DGKG: variants seen among roughly 807,000 people sequenced by gnomAD.
The protein encoded by DGKG is diacylglycerol kinase gamma, also known as DAG kinase gamma.
In DGKG, 78 loss-of-function variants were observed where a neutral mutation model predicts 105.3. The observed-to-expected ratio is 0.74, with a 90% confidence interval of 0.62 to 0.89. The LOEUF (loss-of-function observed/expected upper bound fraction) is 0.89. Ranked by LOEUF, DGKG falls within the 40% of genes least tolerant of loss-of-function variation. The pLI is 0.00. For missense variants in DGKG, 958 were observed against 1,020.1 expected (o/e 0.94, Z 0.83); for synonymous variants, 346 against 367.1 (o/e 0.94, Z 0.66).
intron 23 of DGKG, 34 bp downstream of exon 23, chr3:186,164,864 G>A (rs2108480132): frequency 6.3e-7 from 1 of 1,592,396 alleles, no homozygotes; most frequent in East Asian, 2.2e-5. Context: ...CAGGCGGGGA[G>A]ATGCAGAGGC....
intron 16 of DGKG, among the ~76,000 whole-genome samples, chr3:186,258,794 A>G (rs1022034795): frequency 2.0e-5 from 3 of 152,108 alleles, no homozygotes; most frequent in African/African-American, 4.8e-5. Flanking sequence ...CTGTTTTAAT[A>G]ACTGTTTTTT....
intron 20 of DGKG, among the ~76,000 whole-genome samples, chr3:186,219,041 T>A (rs2108527504): frequency 6.6e-6 from 1 of 151,170 alleles, no homozygotes; most frequent in East Asian, 1.9e-4. Flanking sequence ...AATTGATAAA[T>A]ATTAGTAATA....
intron 21 of DGKG, among the ~76,000 whole-genome samples, chr3:186,194,803 T>TAAAAAAAAAAAAAAAAAAAAAAA (rs57878064): frequency 7.6e-5 from 8 of 105,400 alleles, no homozygotes; most frequent in African/African-American, 2.9e-4. Context: ...GGTCTTTCTT[T>TAAAAAAAAAAAAAAAAAAAAAAA]AAAAAAAAAA....
At chr3:186,291,534 C>G (rs987790532) in intron 5 of DGKG, among the ~76,000 whole-genome samples, 3 of 152,038 alleles carry the variant, frequency 2.0e-5, no homozygotes, top group Non-Finnish European at 4.4e-5. Context: ...TGTGGAATAT[C>G]TATGTATTAA....
intron 20 of DGKG, among the ~76,000 whole-genome samples, chr3:186,232,854 CAG>C (rs971342080): frequency 7.9e-5 from 12 of 152,272 alleles, no homozygotes; most frequent in Non-Finnish European, 1.5e-4. Context: ...CACCAAAATT[CAG>C]AGTCTTAATG....
intron 1 of DGKG, among the ~76,000 whole-genome samples, chr3:186,346,661 C>CTATAT (rs1293084082): frequency 2.0e-5 from 3 of 151,864 alleles, no homozygotes. Flanking sequence ...CTATGCTATA[C>CTATAT]TATACTATAC....
intron 2 of DGKG, among the ~76,000 whole-genome samples, chr3:186,309,271 G>A (rs549426490): frequency 3.3e-5 from 5 of 152,042 alleles, no homozygotes; most frequent in East Asian, 3.9e-4. Context: ...GGGTATTCTC[G>A]GAAGAGACCA....
chr3:186,278,115 G>C (rs1299886356), intron 9 of DGKG, among the ~76,000 whole-genome samples: 2 of 152,086 alleles, frequency 1.3e-5, no homozygotes, highest in African/African-American at 4.8e-5. Flanking sequence ...GAAGTAGATG[G>C]GCTCTCCTTC....
intron 1 of DGKG, among the ~76,000 whole-genome samples, chr3:186,336,420 A>G (rs1725836770): frequency 1.3e-5 from 2 of 152,360 alleles, no homozygotes; most frequent in Non-Finnish European, 1.5e-5. Context: ...TTAAATATCA[A>G]TGTAGTAGAT....
At chr3:186,310,265 CA>C (rs1165723037) in intron 2 of DGKG, among the ~76,000 whole-genome samples, 916 of 33,184 alleles carry the variant, frequency 0.028, 7 homozygotes, top group African/African-American at 0.078. Context: ...GACTCCGTCT[CA>C]AAAAAAAAAA....
intron 19 of DGKG, among the ~76,000 whole-genome samples, chr3:186,247,199 G>A (rs1431604803): frequency 6.6e-6 from 1 of 152,184 alleles, no homozygotes; most frequent in Non-Finnish European, 1.5e-5. Flanking sequence ...AAACTGATGT[G>A]TGGATGGGGC....
intron 24 of DGKG, among the ~76,000 whole-genome samples, chr3:186,151,854 G>A (rs191805023): frequency 1.5e-4 from 23 of 152,156 alleles, no homozygotes; most frequent in African/African-American, 5.1e-4. Context: ...TGAGATGGGC[G>A]GATCACTTGA....
intron 22 of DGKG, among the ~76,000 whole-genome samples, chr3:186,175,047 G>A (rs554086929): frequency 3.0e-4 from 46 of 152,310 alleles, no homozygotes; most frequent in Admixed American, 4.6e-4. Flanking sequence ...TGGGCCCAGC[G>A]GGCAGGACTG....
intron 24 of DGKG, chr3:186,158,350 T>C: frequency 2.1e-6 from 2 of 970,208 alleles, no homozygotes; most frequent in Non-Finnish European, 2.5e-6. Flanking sequence ...ATTTTTAAAC[T>C]GGAGCCTTCT....
intron 1 of DGKG, among the ~76,000 whole-genome samples, chr3:186,339,418 A>G (rs1438053719): frequency 4.6e-5 from 7 of 152,248 alleles, no homozygotes; most frequent in Non-Finnish European, 1.0e-4. Context: ...CTGTTTACTA[A>G]CTGTGTCTTA....
chr3:186,270,778 C>A (rs997609227), intron 11 of DGKG, among the ~76,000 whole-genome samples: 30 of 152,230 alleles, frequency 2.0e-4, no homozygotes, highest in Non-Finnish European at 2.6e-4. Context: ...TTCCCCAACA[C>A]CACATCGCCT....
chr3:186,305,572 T>C (rs1298897933), intron 3 of DGKG, among the ~76,000 whole-genome samples: 4 of 152,070 alleles, frequency 2.6e-5, no homozygotes, highest in African/African-American at 7.3e-5. Context: ...AGCTCTGACA[T>C]AAGTTTTAAC....
chr3:186,312,877 C>T (rs1342957652), intron 2 of DGKG, among the ~76,000 whole-genome samples: 1 of 152,212 alleles, frequency 6.6e-6, no homozygotes, highest in East Asian at 1.9e-4. Flanking sequence ...AGGGGAGAAG[C>T]CCAGCTTCAT....
chr3:186,257,699 CA>C, intron 17 of DGKG, 154 bp downstream of exon 17: 3 of 506,660 alleles, frequency 5.9e-6, no homozygotes, highest in Non-Finnish European at 7.1e-6. Flanking sequence ...TTTTTTTTTC[CA>C]CCCAAAGCAA....
Sources: allele counts gnomAD v4.1 joint callset (sites outside exome capture counted in the v4.1 genomes callset), GRCh38; gene constraint gnomAD v4.1.1; transcripts MANE v1.5; gene names NCBI Gene and HGNC (gene_info 2026-07-23, HGNC 2026-07-21).